DCC: variants seen among roughly 807,000 people sequenced by gnomAD.
DCC encodes the protein DCC netrin 1 receptor.
Under a neutral mutation model 172.5 loss-of-function variants are expected in DCC, and 58 were observed. The observed-to-expected ratio is 0.34, with a 90% CI of 0.27 to 0.42. The LOEUF (loss-of-function observed/expected upper bound fraction) is 0.42, where lower values mean the gene tolerates loss of function less well. DCC is among the 10% of genes least tolerant of loss of function. The pLI is 1.00. For synonymous variants in DCC, 709 were observed against 644.5 expected (o/e 1.10, Z -1.52); for missense variants, 1,740 against 1,791.0 (o/e 0.97, Z 0.51).
At chr18:52,439,364 C>G (rs1222914) in intron 1 of DCC, among the ~76,000 whole-genome samples, 140,590 of 152,134 alleles carry the variant, frequency 0.92, 65,036 homozygotes, top group Admixed American at 0.96. Flanking sequence ...GCTGTAGTTT[C>G]ACTTTTGGCA....
intron 1 of DCC, among the ~76,000 whole-genome samples, chr18:52,410,744 G>A (rs967793094): frequency 2.6e-5 from 4 of 152,068 alleles, no homozygotes; most frequent in Admixed American, 1.3e-4. Context: ...TAATTGGTTT[G>A]GGCAATCATA....
chr18:53,027,590 T>A (rs922371707), intron 5 of DCC, among the ~76,000 whole-genome samples: 2 of 152,154 alleles, frequency 1.3e-5, no homozygotes, highest in Non-Finnish European at 2.9e-5. Flanking sequence ...AATCAATGCT[T>A]TGTAAAACAT....
intron 27 of DCC, among the ~76,000 whole-genome samples, chr18:53,507,044 C>CAGTT (rs764637520): frequency 6.6e-5 from 10 of 152,052 alleles, no homozygotes; most frequent in Non-Finnish European, 1.3e-4. Context: ...TCTACAACCT[C>CAGTT]AGTTACTACA....
intron 2 of DCC, among the ~76,000 whole-genome samples, chr18:52,858,099 C>T (rs1598873437): frequency 6.6e-6 from 1 of 152,158 alleles, no homozygotes; most frequent in African/African-American, 2.4e-5. Context: ...GTTTAGATAG[C>T]GAGAATCATG....
chr18:52,723,949 A>C (rs2036513228), intron 1 of DCC, among the ~76,000 whole-genome samples: 2 of 152,168 alleles, frequency 1.3e-5, no homozygotes, highest in South Asian at 4.1e-4. Flanking sequence ...CCAGTCTGTC[A>C]ACACTGTCTC....
intron 1 of DCC, among the ~76,000 whole-genome samples, chr18:52,447,010 C>T (rs1232185626): frequency 6.6e-6 from 1 of 152,200 alleles, no homozygotes; most frequent in African/African-American, 2.4e-5. Context: ...GAGAGTTATA[C>T]TCTTCCACAG....
chr18:52,640,127 AG>A, intron 1 of DCC, among the ~76,000 whole-genome samples: 1 of 152,226 alleles, frequency 6.6e-6, no homozygotes, highest in Non-Finnish European at 1.5e-5. Flanking sequence ...TCATTTCAAT[AG>A]ATGCAGAAAA....
At chr18:52,685,857 T>C (rs769635634) in intron 1 of DCC, among the ~76,000 whole-genome samples, 8 of 152,254 alleles carry the variant, frequency 5.3e-5, no homozygotes, top group Non-Finnish European at 1.0e-4. Flanking sequence ...TGGGAAGAGA[T>C]AAGATATGCA....
intron 15 of DCC, among the ~76,000 whole-genome samples, chr18:53,341,022 A>G (rs2057653606): frequency 6.6e-6 from 1 of 152,228 alleles, no homozygotes; most frequent in Admixed American, 6.5e-5. Flanking sequence ...AGAAACACCT[A>G]CTGGAAATCT....
intron 4 of DCC, among the ~76,000 whole-genome samples, chr18:52,924,973 C>CT (rs1414639118): frequency 2.0e-3 from 241 of 123,450 alleles, no homozygotes; most frequent in African/African-American, 6.0e-3. Flanking sequence ...GATTATCTAT[C>CT]ATTTTTTTTT....
chr18:53,108,545 A>G (rs1025797726), intron 7 of DCC, among the ~76,000 whole-genome samples: 1 of 151,804 alleles, frequency 6.6e-6, no homozygotes, highest in African/African-American at 2.4e-5. Context: ...GTATGTACAT[A>G]AAAATAAATT....
chr18:53,369,625 T>C (rs1441093421), intron 15 of DCC, among the ~76,000 whole-genome samples: 1 of 151,900 alleles, frequency 6.6e-6, no homozygotes, highest in Non-Finnish European at 1.5e-5. Flanking sequence ...ATATATGACT[T>C]TTATTATGTT....
Position 53,184,603 on chromosome 18 carries a change from A to G in DCC, c.1573+5487A>G, listed in dbSNP as rs150241891. ...CTGCAGGCAATTATAACACAGTGGT[A>G]TATGTTTGTACATCTGAGCATGTCT... On this transcript the variant is annotated intron_variant, in intron 9 of 28. Coordinates refer to ENST00000442544, the MANE Select transcript of DCC (RefSeq NM_005215.4). Among the ~76,000 whole-genome samples the G allele has an allele frequency of 2.2e-3, 330 of 152,256 alleles. 1 individual carries two copies. The highest frequency in any genetic ancestry group is 3.6e-3 in the Non-Finnish European group (248 of 67,986).
intron 22 of DCC, among the ~76,000 whole-genome samples, chr18:53,450,142 T>TACAC (rs992007588): frequency 2.7e-5 from 4 of 148,998 alleles, no homozygotes; most frequent in African/African-American, 7.6e-5. Flanking sequence ...TATATATATA[T>TACAC]ACACACACAC....
intron 27 of DCC, among the ~76,000 whole-genome samples, chr18:53,500,051 C>T (rs571217790): frequency 6.6e-6 from 1 of 152,254 alleles, no homozygotes; most frequent in East Asian, 1.9e-4. Flanking sequence ...AAGAAACTAA[C>T]TAACATTTAG....
At chr18:52,460,160 C>A (rs1394929299) in intron 1 of DCC, among the ~76,000 whole-genome samples, 1 of 152,158 alleles carries the variant, frequency 6.6e-6, no homozygotes, top group African/African-American at 2.4e-5. Context: ...TGCTCTGCTT[C>A]TCTGTATATC....
chr18:53,103,118 A>C (rs1044814385), intron 7 of DCC, among the ~76,000 whole-genome samples: 1 of 152,078 alleles, frequency 6.6e-6, no homozygotes, highest in African/African-American at 2.4e-5. Context: ...CTTATTGAGC[A>C]CTACCCTAGG....
chr18:52,648,448 A>G (rs2035060378), intron 1 of DCC, among the ~76,000 whole-genome samples: 1 of 152,230 alleles, frequency 6.6e-6, no homozygotes, highest in African/African-American at 2.4e-5. Flanking sequence ...GATGATTTGC[A>G]AAGTATCGCG....
chr18:53,199,716 G>A (rs2055506180), intron 9 of DCC, among the ~76,000 whole-genome samples: 1 of 151,978 alleles, frequency 6.6e-6, no homozygotes, highest in African/African-American at 2.4e-5. Flanking sequence ...TAGCTCAAGT[G>A]AAACACAGAG....
Sources: gnomAD v4.1 joint callset for allele counts (sites outside exome capture counted in the v4.1 genomes callset) on GRCh38, gnomAD v4.1.1 for gene constraint, MANE v1.5 for transcripts, NCBI Gene and HGNC (gene_info 2026-07-23, HGNC 2026-07-21) for gene names.